RBM33: variants seen among roughly 807,000 people sequenced by gnomAD.
RBM33 encodes the protein RNA-binding protein 33.
RBM33 carries 28 observed loss-of-function variants against 132.6 expected under a neutral mutation model. That is an observed-to-expected ratio of 0.21 (90% CI 0.16 to 0.29). The LOEUF (loss-of-function observed/expected upper bound fraction) is 0.29, where lower values mean the gene tolerates loss of function less well. Among genes scored for constraint, RBM33 ranks in the 10% least tolerant of loss-of-function variants. The pLI is 1.00. For synonymous variants in RBM33, 634 were observed against 593.0 expected (o/e 1.07, Z -1.01); for missense variants, 1,291 against 1,518.5 (o/e 0.85, Z 2.49).
intron 3 of RBM33, among the ~76,000 whole-genome samples, chr7:155,673,402 T>TTGTGGGTGTGTG (rs1491358812): frequency 4.4e-5 from 2 of 45,162 alleles, no homozygotes; most frequent in African/African-American, 3.0e-4. Context: ...TTTATATATA[T>TTGTGGGTGTGTG]TGTGTGTGTG....
intron 16 of RBM33, among the ~76,000 whole-genome samples, chr7:155,771,577 A>G (rs2117082779): frequency 6.6e-6 from 1 of 152,338 alleles, no homozygotes; most frequent in African/African-American, 2.4e-5. Flanking sequence ...TACGTAGATT[A>G]CAAGTAAAAC....
At position 155,739,879 on chromosome 7, in the gene RBM33, GCACCACCACCACCACCAC is replaced by G. The variant is rs754177553; in HGVS notation, c.1907_1924del (p.His636_His641del). On this transcript the variant is annotated inframe_deletion, in exon 12 of 18. Coordinates refer to ENST00000401878, the MANE Select transcript of RBM33 (RefSeq NM_053043.3). ...CACCACAGCACCCGCCGCAGCACCA[GCACCACCACCACCACCAC>G]CACCTGTCCGTCCCGCCCCCTCCTT... 1 of 1,359,624 alleles carries G rather than the reference GCACCACCACCACCACCAC, an allele frequency of 7.4e-7. No homozygotes were observed. Among genetic ancestry groups the G allele is most frequent in the Non-Finnish European group, 9.8e-7 (1 of 1,024,690 alleles). The allele number at this position is 1,359,624 out of a possible 1,614,324, so 84.2% of individuals were successfully genotyped here.
chr7:155,762,028 G>A (rs529709061), intron 14 of RBM33, among the ~76,000 whole-genome samples: 1 of 152,130 alleles, frequency 6.6e-6, no homozygotes, highest in African/African-American at 2.4e-5. Context: ...GGGTTGACCC[G>A]ACTGCTGCGT....
At chr7:155,766,133 A>G (rs1262255600) in intron 15 of RBM33, among the ~76,000 whole-genome samples, 5 of 152,040 alleles carry the variant, frequency 3.3e-5, no homozygotes, top group Non-Finnish European at 7.4e-5. Flanking sequence ...CTGAACTGTC[A>G]TTTGCAGCAA....
chr7:155,709,955 A>C (rs923911125), intron 7 of RBM33, among the ~76,000 whole-genome samples: 4 of 152,192 alleles, frequency 2.6e-5, no homozygotes, highest in African/African-American at 9.7e-5. Context: ...TCTTTGTCAG[A>C]CTATGGCTTT....
At chr7:155,662,912 T>C (rs902519301) in intron 1 of RBM33, among the ~76,000 whole-genome samples, 10 of 152,180 alleles carry the variant, frequency 6.6e-5, no homozygotes, top group Non-Finnish European at 1.3e-4. Flanking sequence ...GAGTGGAGTC[T>C]TAGCATTACT....
chr7:155,738,466 A>G (rs976414567), intron 11 of RBM33, 63 bp downstream of exon 11: 3 of 1,432,048 alleles, frequency 2.1e-6, no homozygotes, highest in Non-Finnish European at 2.8e-6. Context: ...TGTGTTCCAT[A>G]AAGTTTCAGA....
At chr7:155,726,490 T>TA (rs1174175699) in intron 9 of RBM33, among the ~76,000 whole-genome samples, 1 of 152,180 alleles carries the variant, frequency 6.6e-6, no homozygotes, top group Non-Finnish European at 1.5e-5. Context: ...GAGAGAATAA[T>TA]AATTTCTTAC....
chr7:155,767,000 TACA>T (rs1487363308), intron 16 of RBM33: 75 of 272,462 alleles, frequency 2.8e-4, no homozygotes, highest in African/African-American at 1.6e-3. Context: ...GTAATAACAT[TACA>T]TTTTAAAGTA....
At chr7:155,755,864 A>C (rs1801832477) in intron 14 of RBM33, among the ~76,000 whole-genome samples, 1 of 152,124 alleles carries the variant, frequency 6.6e-6, no homozygotes, top group South Asian at 2.1e-4. Context: ...AGTATTCCCT[A>C]AGCTTACTTA....
At chr7:155,678,586 T>A in intron 3 of RBM33, 22 bp from the exon 4 acceptor site, 1 of 1,390,728 alleles carries the variant, frequency 7.2e-7, no homozygotes, top group Non-Finnish European at 1.0e-6. Context: ...CACACATTAA[T>A]TATATTTCTT....
At chr7:155,738,588 G>A in intron 11 of RBM33, 185 bp downstream of exon 11, 3 of 608,732 alleles carry the variant, frequency 4.9e-6, no homozygotes, top group Non-Finnish European at 8.3e-6. Flanking sequence ...CTCAATACAA[G>A]AAAAAAATGG....
At chr7:155,657,719 A>G (rs1384714784) in intron 1 of RBM33, among the ~76,000 whole-genome samples, 1 of 152,228 alleles carries the variant, frequency 6.6e-6, no homozygotes, top group African/African-American at 2.4e-5. Context: ...ATTGTGATTA[A>G]GTACTAATTT....
chr7:155,679,938 G>GTT (rs147395418), intron 4 of RBM33, among the ~76,000 whole-genome samples: 1 of 151,182 alleles, frequency 6.6e-6, no homozygotes, highest in African/African-American at 2.4e-5. Context: ...GGTGGAACAT[G>GTT]TTTTTTTTGC....
At chr7:155,755,408 G>T (rs1333469343) in intron 14 of RBM33, among the ~76,000 whole-genome samples, 1 of 152,192 alleles carries the variant, frequency 6.6e-6, no homozygotes, top group Non-Finnish European at 1.5e-5. Context: ...TCTTTTAGAG[G>T]TTTTCATAAT....
At chr7:155,726,267 A>C (rs1404338113) in intron 9 of RBM33, among the ~76,000 whole-genome samples, 1 of 152,190 alleles carries the variant, frequency 6.6e-6, no homozygotes, top group Non-Finnish European at 1.5e-5. Flanking sequence ...CTTTTAGGGA[A>C]GCTGATAAGT....
chr7:155,697,945 AAG>A (rs1250046975), intron 5 of RBM33, among the ~76,000 whole-genome samples: 1 of 152,242 alleles, frequency 6.6e-6, no homozygotes, highest in African/African-American at 2.4e-5. Flanking sequence ...AGTGAAATGA[AAG>A]ATTTACATGC....
chr7:155,707,315 A>C (rs1183076352), intron 7 of RBM33: 2 of 618,010 alleles, frequency 3.2e-6, no homozygotes, highest in African/African-American at 1.8e-5. Context: ...GGAGGAATTA[A>C]TGAGCGACCT....
chr7:155,701,849 G>C (rs750160313), intron 6 of RBM33, among the ~76,000 whole-genome samples: 1 of 151,992 alleles, frequency 6.6e-6, no homozygotes, highest in African/African-American at 2.4e-5. Context: ...CACCACACCC[G>C]GCTAGTTTTT....
Sources: allele counts gnomAD v4.1 joint callset (sites outside exome capture counted in the v4.1 genomes callset), GRCh38; gene constraint gnomAD v4.1.1; transcripts MANE v1.5; gene names NCBI Gene and HGNC (gene_info 2026-07-23, HGNC 2026-07-21).